The following RBFA variants were observed in gnomAD, a reference collection of about 807,000 sequenced individuals.
RBFA encodes ribosome binding factor A, also known as putative ribosome-binding factor A, mitochondrial.
RBFA carries 16 observed loss-of-function variants against 27.9 expected under a neutral mutation model. The ratio of observed to expected loss-of-function variants is 0.57; its 90% CI spans 0.39 to 0.87. RBFA has a LOEUF of 0.87. Among genes scored for constraint, RBFA ranks in the 40% least tolerant of loss-of-function variants. RBFA has a pLI of 0.00. For synonymous variants in RBFA, 181 were observed against 181.0 expected (o/e 1.00, Z 0.00); for missense variants, 456 against 432.1 (o/e 1.06, Z -0.49).
rs766458763 is a variant in RBFA, at chr18:80,036,726, G to A, written c.201+16G>A. 3.5e-5 allele frequency: 56 copies of A among 1,600,294 alleles called. No individual in the cohort carries two copies. The Middle Eastern group carries it at 6.6e-4, about 19-fold the overall frequency. ...TTCTCACTCGGTGAGTATAAGCCAT[G>A]AGCCACTTTATAATCTTGATGGGAG... On this transcript the variant is annotated intron_variant, in intron 2 of 6. Coordinates refer to ENST00000306735, the MANE Select transcript of RBFA (RefSeq NM_024805.3).
chr18:80,048,822 CA>C lies in RBFA; in HGVS notation c.*2668del, dbSNP rs2052074579. ...GTTTGCAGGGGATCCAACCAGGCGT[CA>C]GCTCAGTGCCTCCTAGAAAGTGGAG... is the stretch of plus-strand genomic sequence containing the variant. On this transcript the variant is annotated 3_prime_UTR_variant, in exon 7 of 7. Coordinates refer to ENST00000306735, the MANE Select transcript of RBFA (RefSeq NM_024805.3). Among the ~76,000 whole-genome samples, 4 of 147,398 alleles carry C rather than the reference CA, an allele frequency of 2.7e-5. No individual in the cohort carries two copies. Among genetic ancestry groups the C allele is most frequent in the African/African-American group, 1.1e-4 (4 of 37,682 alleles).
At chr18:80,034,903 T>C in intron 1 of RBFA, 1 of 444,956 alleles carries the variant, frequency 2.2e-6, no homozygotes, top group East Asian at 4.0e-5. Flanking sequence ...CAGACGTATT[T>C]TTCAGAAGAT....
At chr18:80,039,258 A>G (rs990551770) in intron 4 of RBFA, among the ~76,000 whole-genome samples, 3 of 152,220 alleles carry the variant, frequency 2.0e-5, no homozygotes, top group Non-Finnish European at 4.4e-5. Context: ...CAGCCCAGGA[A>G]TTTGAGGTGG....
At chr18:80,043,601 C>T (rs2052031004) in intron 5 of RBFA, among the ~76,000 whole-genome samples, 1 of 152,128 alleles carries the variant, frequency 6.6e-6, no homozygotes, top group Non-Finnish European at 1.5e-5. Context: ...AGTCACTGGA[C>T]AGGGGAGAGT....
At chr18:80,038,379 C>T in intron 3 of RBFA, 126 bp from the exon 4 acceptor site, 1 of 656,734 alleles carries the variant, frequency 1.5e-6, no homozygotes, top group South Asian at 1.9e-5. Context: ...TGGCCTCCAG[C>T]AGCATGCCAG....
At chr18:80,037,745 C>T (rs540153520) in intron 3 of RBFA, among the ~76,000 whole-genome samples, 9 of 152,110 alleles carry the variant, frequency 5.9e-5, no homozygotes, top group Non-Finnish European at 8.8e-5. Context: ...AAAACTTAGC[C>T]GGGCATGGTG....
In RBFA at chr18:80,046,296, T is replaced by A; in HGVS notation, c.*141T>A. Reference sequence around the variant, plus strand: ...ACATTTTCTAGCTTTTCCGTGTATCTAAACACAATTTGCTACACAAGTCAC... The same window carrying A: ...ACATTTTCTAGCTTTTCCGTGTATCAAAACACAATTTGCTACACAAGTCAC... On this transcript the variant is annotated 3_prime_UTR_variant, in exon 7 of 7. Coordinates refer to ENST00000306735, the MANE Select transcript of RBFA (RefSeq NM_024805.3). 1 of 960,684 alleles carries A rather than the reference T, an allele frequency of 1.0e-6. No individual in the cohort carries two copies. Among genetic ancestry groups the A allele is most frequent in the Non-Finnish European group, 1.5e-6 (1 of 654,860 alleles). 59.5% of individuals were successfully genotyped at this position (960,684 alleles called of 1,614,324 possible).
At chr18:80,036,605 A>G in intron 1 of RBFA, 63 bp from the exon 2 acceptor site, 1 of 1,247,346 alleles carries the variant, frequency 8.0e-7, no homozygotes, top group South Asian at 1.2e-5. Flanking sequence ...TAACCTCTTA[A>G]ATTAGCTTAT....
chr18:80,038,482 C>A (rs922165094), intron 3 of RBFA, 23 bp from the exon 4 acceptor site: 6 of 1,526,444 alleles, frequency 3.9e-6, no homozygotes, highest in Non-Finnish European at 5.4e-6. Context: ...TAAAAAGTGA[C>A]CTGTGGAGGG....
At chr18:80,036,303 C>T (rs2051978601) in intron 1 of RBFA, among the ~76,000 whole-genome samples, 1 of 152,194 alleles carries the variant, frequency 6.6e-6, no homozygotes, top group Admixed American at 6.5e-5. Context: ...ATTGTTCAGT[C>T]TCAGTCTATG....
intron 4 of RBFA, 114 bp from the exon 5 acceptor site, chr18:80,042,021 C>A: frequency 1.6e-6 from 1 of 627,430 alleles, no homozygotes; most frequent in East Asian, 3.5e-5. Context: ...CCACCGCGCC[C>A]GGCCTCTCAC....
rs776772389 is a variant in RBFA at position 80,048,192 on chromosome 18, A to G, written c.*2037A>G. On this transcript the variant is annotated 3_prime_UTR_variant, in exon 7 of 7. Transcript: ENST00000306735. ...GAAAACAGCAGAACGCCAGCTTTGC[A>G]GGTACCTCCACAGCACTGCCGGGCT... 6.4e-4 allele frequency: 98 copies of G among 152,416 alleles called. No individual in the cohort carries two copies. The highest frequency in any genetic ancestry group is 1.2e-3 in the Non-Finnish European group (79 of 68,076). The allele number at this position is 152,416 out of a possible 1,614,324, so 9.4% of individuals were successfully genotyped here.
rs1305286535 is a variant in RBFA at position 80,050,042 on chromosome 18, G to A, written c.*3887G>A. On this transcript the variant is annotated 3_prime_UTR_variant, in exon 7 of 7. Transcript: ENST00000306735. ...CTGAGACCCTCTCTTAGGAATAGAAGTACAGTTTTCTTCCCCACTCCTTTT... is the reference window on the plus strand; with the variant it reads ...CTGAGACCCTCTCTTAGGAATAGAAATACAGTTTTCTTCCCCACTCCTTTT... Among the ~76,000 whole-genome samples, 2 of 152,214 alleles carry A rather than the reference G, an allele frequency of 1.3e-5. No individual in the cohort carries two copies.
At chr18:80,043,904 G>A (rs967526533) in intron 5 of RBFA, among the ~76,000 whole-genome samples, 1 of 152,138 alleles carries the variant, frequency 6.6e-6, no homozygotes, top group African/African-American at 2.4e-5. Flanking sequence ...CCAGTTAATG[G>A]TTAGTTAGTT....
intron 1 of RBFA, 130 bp downstream of exon 1, chr18:80,034,783 C>CT (rs2051964667): frequency 5.2e-6 from 6 of 1,144,120 alleles, no homozygotes; most frequent in Non-Finnish European, 7.4e-6. Flanking sequence ...CTCCTGGGGT[C>CT]TGCAGCAGTT....
intron 4 of RBFA, among the ~76,000 whole-genome samples, chr18:80,041,148 A>G (rs1023050884): frequency 1.3e-5 from 2 of 152,194 alleles, no homozygotes; most frequent in African/African-American, 2.4e-5. Flanking sequence ...GGTCTGTGAA[A>G]CTGCATATCA....
At chr18:80,037,592 A>T in intron 3 of RBFA, 86 bp downstream of exon 3, 1 of 1,294,904 alleles carries the variant, frequency 7.7e-7, no homozygotes, top group Non-Finnish European at 1.1e-6. Context: ...CCTGACAATT[A>T]AAAAAAGACG....
chr18:80,039,787 G>A (rs186028541), intron 4 of RBFA, among the ~76,000 whole-genome samples: 7 of 152,366 alleles, frequency 4.6e-5, no homozygotes, highest in Middle Eastern at 3.4e-3. Context: ...AATGACCAGT[G>A]CATGAGGTTA....
Position 80,048,474 on chromosome 18 carries a change from A to G in RBFA, c.*2319A>G, listed in dbSNP as rs2052071562. Reference sequence around the variant, plus strand: ...ATTGTTCTAGCAATTTATTGTTACAAAACAGATTGCTGCCATCAATTTGTC... The same window carrying G: ...ATTGTTCTAGCAATTTATTGTTACAGAACAGATTGCTGCCATCAATTTGTC... On this transcript the variant is annotated 3_prime_UTR_variant, in exon 7 of 7. Coordinates refer to ENST00000306735, the MANE Select transcript of RBFA (RefSeq NM_024805.3). Among the ~76,000 whole-genome samples the G allele has an allele frequency of 1.3e-5, 2 of 152,198 alleles. No individual in the cohort carries two copies. The highest frequency in any genetic ancestry group is 4.8e-5 in the African/African-American group (2 of 41,432).
Sources: allele counts gnomAD v4.1 joint callset (sites outside exome capture counted in the v4.1 genomes callset), GRCh38; gene constraint gnomAD v4.1.1; transcripts MANE v1.5; gene names NCBI Gene and HGNC (gene_info 2026-07-23, HGNC 2026-07-21).